Variants in ARHGEF4 observed in about 807,000 individuals in gnomAD.
ARHGEF4 encodes Rho guanine nucleotide exchange factor 4, also known as APC-stimulated guanine nucleotide exchange factor 1.
Under a neutral mutation model 162.0 loss-of-function variants are expected in ARHGEF4, and 119 were observed. The observed-to-expected ratio is 0.73, with a 90% CI of 0.63 to 0.86. The LOEUF (loss-of-function observed/expected upper bound fraction) is 0.86. Among genes scored for constraint, ARHGEF4 ranks in the 40% least tolerant of loss-of-function variants. The probability of loss-of-function intolerance (pLI) is 0.00; values close to 1 mark genes in which losing one functional copy is unlikely to be tolerated. For synonymous variants in ARHGEF4, 1,014 were observed against 979.9 expected, an observed-to-expected ratio of 1.03 and a Z score of -0.65; for missense variants, 2,488 against 2,456.0, an observed-to-expected ratio of 1.01 and a Z score of -0.28.
chr2:130,992,597 C>T (rs1687103558), intron 4 of ARHGEF4, among the ~76,000 whole-genome samples: 1 of 151,920 alleles, frequency 6.6e-6, no homozygotes, highest in Non-Finnish European at 1.5e-5. Context: ...TCAGAAGGAA[C>T]AAACTCCAGA....
intron 1 of ARHGEF4, among the ~76,000 whole-genome samples, chr2:130,844,433 C>G (rs1680813235): frequency 6.6e-6 from 1 of 152,232 alleles, no homozygotes; most frequent in Non-Finnish European, 1.5e-5. Flanking sequence ...GGCAGTAAAC[C>G]CCTAGAGACC....
intron 1 of ARHGEF4, among the ~76,000 whole-genome samples, chr2:130,849,887 G>A (rs372060203): frequency 6.6e-6 from 1 of 152,150 alleles, no homozygotes; most frequent in Admixed American, 6.5e-5. Flanking sequence ...TTTAAAAAAC[G>A]GTATAATACT....
intron 3 of ARHGEF4, among the ~76,000 whole-genome samples, chr2:130,932,363 C>T (rs193079958): frequency 3.3e-5 from 5 of 152,256 alleles, no homozygotes; most frequent in African/African-American, 1.2e-4. Flanking sequence ...TGCCTGCCAC[C>T]ATGCCCACCT....
intron 5 of ARHGEF4, among the ~76,000 whole-genome samples, chr2:131,038,310 G>A (rs374071977): frequency 1.1e-4 from 14 of 130,732 alleles, no homozygotes; most frequent in African/African-American, 3.3e-4. Flanking sequence ...GCCTTGCAGC[G>A]CCCAGCCCCT....
At chr2:130,973,884 A>C (rs927059193) in intron 4 of ARHGEF4, among the ~76,000 whole-genome samples, 2 of 152,200 alleles carry the variant, frequency 1.3e-5, no homozygotes, top group African/African-American at 4.8e-5. Flanking sequence ...TTTAGGTACA[A>C]AAGTTATCAT....
intron 2 of ARHGEF4, among the ~76,000 whole-genome samples, chr2:130,925,563 C>G (rs545994794): frequency 6.6e-6 from 1 of 152,306 alleles, no homozygotes; most frequent in East Asian, 1.9e-4. Flanking sequence ...TCTCAATTTT[C>G]CCTTCATTAC....
intron 4 of ARHGEF4, among the ~76,000 whole-genome samples, chr2:130,975,517 A>G (rs901007085): frequency 6.6e-6 from 1 of 152,134 alleles, no homozygotes; most frequent in Non-Finnish European, 1.5e-5. Context: ...TCTGGAAATT[A>G]TTCAGACCCA....
At chr2:131,024,045 C>T (rs1156848715) in intron 4 of ARHGEF4, among the ~76,000 whole-genome samples, 1 of 152,134 alleles carries the variant, frequency 6.6e-6, no homozygotes, top group Non-Finnish European at 1.5e-5. Context: ...ATACAGGTTG[C>T]TCTGGTGGCT....
chr2:130,985,022 G>A (rs1156490701), intron 4 of ARHGEF4, among the ~76,000 whole-genome samples: 1 of 152,054 alleles, frequency 6.6e-6, no homozygotes, highest in Admixed American at 6.6e-5. Flanking sequence ...CCCCCATCAA[G>A]CTCTTTGCAG....
chr2:131,010,143 G>A (rs553300785), intron 4 of ARHGEF4, among the ~76,000 whole-genome samples: 8 of 152,304 alleles, frequency 5.3e-5, no homozygotes, highest in South Asian at 2.1e-4. Context: ...TCTGTAGCTC[G>A]CCTCTGCAGC....
intron 1 of ARHGEF4, among the ~76,000 whole-genome samples, chr2:130,840,424 AT>A (rs1443654042): frequency 2.0e-5 from 3 of 152,068 alleles, no homozygotes; most frequent in African/African-American, 7.2e-5. Flanking sequence ...TTAAGGGGGG[AT>A]GCAGCAGCGT....
chr2:130,959,425 C>T (rs1468959940), intron 4 of ARHGEF4, among the ~76,000 whole-genome samples: 2 of 152,158 alleles, frequency 1.3e-5, no homozygotes, highest in Admixed American at 6.5e-5. Context: ...GCATGAGTGG[C>T]GAGCACTGGA....
intron 1 of ARHGEF4, among the ~76,000 whole-genome samples, chr2:130,913,399 A>G (rs1681308184): frequency 6.6e-6 from 1 of 152,200 alleles, no homozygotes; most frequent in Non-Finnish European, 1.5e-5. Context: ...GAGAGAAGGA[A>G]ATACTTGCAC....
intron 4 of ARHGEF4, among the ~76,000 whole-genome samples, chr2:130,954,808 G>T (rs1320951163): frequency 6.6e-6 from 1 of 152,160 alleles, no homozygotes; most frequent in African/African-American, 2.4e-5. Context: ...TTTCCTGGGT[G>T]TGTAGGTTAT....
chr2:131,020,060 G>A (rs1689013964), intron 4 of ARHGEF4, among the ~76,000 whole-genome samples: 1 of 152,184 alleles, frequency 6.6e-6, no homozygotes, highest in Non-Finnish European at 1.5e-5. Context: ...TAGCCTTGCT[G>A]AATTTTAGTA....
At position 131,043,252 on chromosome 2, in the gene ARHGEF4, C is replaced by T. The variant is rs573365531; in HGVS notation, c.5026-200C>T. On this transcript the variant is annotated intron_variant, in intron 10 of 13. Transcript: ENST00000409359. ...AACAGCCACCAGAGGCCACTGGTGACAGGGGGCTCCTATTTTGCAAGGACA... is the reference window on the plus strand; with the variant it reads ...AACAGCCACCAGAGGCCACTGGTGATAGGGGGCTCCTATTTTGCAAGGACA... Among the ~76,000 whole-genome samples the T allele has an allele frequency of 3.3e-5, 5 of 152,286 alleles. No individual in the cohort carries two copies. The South Asian group carries it at 1.0e-3, about 32-fold the overall frequency.
chr2:131,036,881 C>T (rs1298734390), intron 5 of ARHGEF4, among the ~76,000 whole-genome samples: 2 of 152,208 alleles, frequency 1.3e-5, no homozygotes, highest in Non-Finnish European at 1.5e-5. Flanking sequence ...TTCCTTCTTT[C>T]CCTGGAGCCT....
chr2:131,024,214 T>C (rs540674426), intron 4 of ARHGEF4, among the ~76,000 whole-genome samples: 20 of 152,386 alleles, frequency 1.3e-4, no homozygotes, highest in African/African-American at 4.8e-4. Context: ...TATAGTGGTA[T>C]GCCCTGTGAC....
rs574201608 is a variant in ARHGEF4, at chr2:130,878,677, C to T, written c.40-35309C>T. Among the ~76,000 whole-genome samples, 5 of 152,326 alleles carry T rather than the reference C, an allele frequency of 3.3e-5. No homozygotes were observed. In the South Asian group the frequency reaches 8.3e-4, roughly 25 times the overall value. Reference sequence around the variant, plus strand: ...CACATATGTGCAGGGATACTCAGGGCCACGGTGATTGCCTCTCTCAACGTT... The same window carrying T: ...CACATATGTGCAGGGATACTCAGGGTCACGGTGATTGCCTCTCTCAACGTT... On this transcript the variant is annotated intron_variant, in intron 1 of 13. Coordinates refer to ENST00000409359, the MANE Select transcript of ARHGEF4 (RefSeq NM_001367493.1).
Sources: allele counts gnomAD v4.1 joint callset (sites outside exome capture counted in the v4.1 genomes callset), GRCh38; gene constraint gnomAD v4.1.1; transcripts MANE v1.5; gene names NCBI Gene and HGNC (gene_info 2026-07-23, HGNC 2026-07-21).